The following DRC11 variants were observed in gnomAD, a reference collection of about 807,000 sequenced individuals.
The protein encoded by DRC11 is dynein regulatory complex subunit 11.
the DRC11 span, among the ~76,000 whole-genome samples, chr2:236,360,106 T>A: frequency 1.1e-4 from 16 of 152,158 alleles, no homozygotes; most frequent in Non-Finnish European, 1.5e-5. The surrounding 1 kb of genome is among the most constrained non-coding windows in gnomAD (Gnocchi z 5.8). Context: ...ACATCCTTGC[T>A]CTGTCCTAGA....
At chr2:236,411,097 G>A in the DRC11 span, among the ~76,000 whole-genome samples, 2 of 145,172 alleles carry the variant, frequency 1.4e-5, no homozygotes, top group African/African-American at 5.1e-5. Context: ...ACTACCACCA[G>A]AGTGAACAGG....
At chr2:236,399,666 G>A in the DRC11 span, among the ~76,000 whole-genome samples, 1 of 152,262 alleles carries the variant, frequency 6.6e-6, no homozygotes, top group South Asian at 2.1e-4. The surrounding 1 kb of genome is among the most constrained non-coding windows in gnomAD (Gnocchi z 7.0). Context: ...AGGCATGGGT[G>A]GTCCAGGCTC....
At chr2:236,391,952 T>C in the DRC11 span, 1 of 1,602,820 alleles carries the variant, frequency 6.2e-7, no homozygotes, top group Non-Finnish European at 8.5e-7. This position sits in a 1 kb window ranked among gnomAD's most constrained non-coding sequence, Gnocchi z 4.5. Flanking sequence ...ACCGCACCCC[T>C]CTGCAGGCTC....
the DRC11 span, among the ~76,000 whole-genome samples, chr2:236,470,314 C>T: frequency 1.7e-4 from 26 of 152,168 alleles, no homozygotes; most frequent in African/African-American, 6.0e-4. The surrounding 1 kb of genome is among the most constrained non-coding windows in gnomAD (Gnocchi z 5.1). Context: ...CTTCGTGGCG[C>T]TTTGTTGTTA....
chr2:236,418,226 G>A, the DRC11 span, among the ~76,000 whole-genome samples: 2 of 152,156 alleles, frequency 1.3e-5, no homozygotes, highest in African/African-American at 4.8e-5. Context: ...CCACAGCCTT[G>A]CCAGCTTCTG....
At chr2:236,491,227 ATATATATATATATACACAG>A in the DRC11 span, among the ~76,000 whole-genome samples, 640 of 55,376 alleles carry the variant, frequency 0.012, 35 homozygotes, top group Non-Finnish European at 0.021. Flanking sequence ...CAGTATATAT[ATATATATATATATACACAG>A]TATATATATA....
At chr2:236,354,351 GT>G in the DRC11 span, among the ~76,000 whole-genome samples, 2 of 151,906 alleles carry the variant, frequency 1.3e-5, no homozygotes, top group East Asian at 1.9e-4. Context: ...ATGTGTGTGT[GT>G]GGGGGGCAGG....
chr2:236,357,058 T>TATTA, the DRC11 span, among the ~76,000 whole-genome samples: 1 of 70,718 alleles, frequency 1.4e-5, no homozygotes, highest in African/African-American at 6.4e-5. Flanking sequence ...ATATATCTAT[T>TATTA]TATATATTCA....
At chr2:236,503,706 C>T in the DRC11 span, 1 of 1,550,634 alleles carries the variant, frequency 6.4e-7, no homozygotes, top group South Asian at 1.2e-5. The surrounding 1 kb of genome is among the most constrained non-coding windows in gnomAD (Gnocchi z 4.9). Context: ...TCTCTGGCTT[C>T]CTGCTCCCCA....
chr2:236,478,363 CTT>C, the DRC11 span, among the ~76,000 whole-genome samples: 2 of 152,074 alleles, frequency 1.3e-5, no homozygotes, highest in Non-Finnish European at 2.9e-5. This position sits in a 1 kb window ranked among gnomAD's most constrained non-coding sequence, Gnocchi z 5.9. Context: ...CAAGTTTTCT[CTT>C]GTTATTGATT....
At chr2:236,410,004 G>A in the DRC11 span, among the ~76,000 whole-genome samples, 2 of 151,970 alleles carry the variant, frequency 1.3e-5, no homozygotes, top group African/African-American at 4.8e-5. Flanking sequence ...TGCTGGATTC[G>A]GTTTGCCAGC....
the DRC11 span, among the ~76,000 whole-genome samples, chr2:236,342,594 G>A: frequency 4.6e-5 from 7 of 152,178 alleles, no homozygotes; most frequent in Non-Finnish European, 7.4e-5. The surrounding 1 kb of genome is among the most constrained non-coding windows in gnomAD (Gnocchi z 5.8). Context: ...GGCAGGCCCC[G>A]CAATGCCATC....
At chr2:236,439,367 C>A in the DRC11 span, among the ~76,000 whole-genome samples, 549 of 152,246 alleles carry the variant, frequency 3.6e-3, 3 homozygotes, top group African/African-American at 0.012. Context: ...TATTTCCATG[C>A]ATTCATTCTT....
At chr2:236,492,952 C>A in the DRC11 span, among the ~76,000 whole-genome samples, 1 of 152,206 alleles carries the variant, frequency 6.6e-6, no homozygotes, top group Non-Finnish European at 1.5e-5. Flanking sequence ...ATTCTTCCCC[C>A]AATGACAGTC....
chr2:236,367,264 T>C, the DRC11 span, among the ~76,000 whole-genome samples: 2 of 148,218 alleles, frequency 1.3e-5, no homozygotes, highest in East Asian at 1.9e-4. This position sits in a 1 kb window ranked among gnomAD's most constrained non-coding sequence, Gnocchi z 4.8. Context: ...TTGTTATATA[T>C]AATATAAATT....
chr2:236,312,125 G>A, the DRC11 span, among the ~76,000 whole-genome samples: 1 of 152,164 alleles, frequency 6.6e-6, no homozygotes, highest in Non-Finnish European at 1.5e-5. Flanking sequence ...TTCCAGATGT[G>A]CTCCCTAAGG....
At chr2:236,373,459 C>A in the DRC11 span, among the ~76,000 whole-genome samples, 1 of 152,060 alleles carries the variant, frequency 6.6e-6, no homozygotes, top group Non-Finnish European at 1.5e-5. Context: ...CCATGTTGGC[C>A]AGGCTGGTCT....
At chr2:236,377,202 GTGTC>G in the DRC11 span, 2 of 1,547,338 alleles carry the variant, frequency 1.3e-6, no homozygotes, top group East Asian at 2.2e-5. This position sits in a 1 kb window ranked among gnomAD's most constrained non-coding sequence, Gnocchi z 4.9. Context: ...AGAAAGCAGA[GTGTC>G]TGTTCCAGAG....
the DRC11 span, among the ~76,000 whole-genome samples, chr2:236,500,110 GAT>G: frequency 4.6e-5 from 7 of 150,794 alleles, no homozygotes; most frequent in African/African-American, 1.7e-4. The surrounding 1 kb of genome is among the most constrained non-coding windows in gnomAD (Gnocchi z 6.3). Flanking sequence ...TGATGATGAT[GAT>G]GATGATGGCG....
Sources: allele counts gnomAD v4.1 joint callset (sites outside exome capture counted in the v4.1 genomes callset), GRCh38; gene constraint gnomAD v4.1.1; non-coding constraint Gnocchi (gnomAD v3.1); transcripts MANE v1.5; gene names NCBI Gene and HGNC (gene_info 2026-07-23, HGNC 2026-07-21).